The following ABLIM2 variants were observed in gnomAD, a reference collection of about 807,000 sequenced individuals.
ABLIM2 encodes the protein actin-binding LIM protein 2.
ABLIM2 carries 53 observed loss-of-function variants against 97.7 expected under a neutral mutation model. That is an observed-to-expected ratio of 0.54 (90% CI 0.44 to 0.68). The LOEUF (loss-of-function observed/expected upper bound fraction) is 0.68. ABLIM2 is among the 30% of genes least tolerant of loss of function. The pLI is 0.00. For missense variants in ABLIM2, 835 were observed against 867.2 expected, an observed-to-expected ratio of 0.96 and a Z score of 0.47; for synonymous variants, 361 against 345.8, an observed-to-expected ratio of 1.04 and a Z score of -0.49.
intron 1 of ABLIM2, among the ~76,000 whole-genome samples, chr4:8,108,408 C>A (rs1020130153): frequency 1.3e-5 from 2 of 152,248 alleles, no homozygotes; most frequent in South Asian, 4.1e-4. Flanking sequence ...CAGAGAAAGG[C>A]AGAGCTCAGA....
chr4:8,148,911 C>G lies in ABLIM2; in HGVS notation c.10+9769G>C, dbSNP rs2152955606. The stretch of plus-strand genomic sequence containing the variant: ...TGGGCTCCGCAGGCACCCGGGAGAT[C>G]AGGCCACGCCAGGACCCGGGATCTG... On this transcript the variant is annotated intron_variant, in intron 1 of 20. Coordinates refer to ENST00000447017, the MANE Select transcript of ABLIM2 (RefSeq NM_001130083.2). The surrounding 1 kb of genome is among the most constrained non-coding windows in gnomAD (Gnocchi z 6.7). 6.6e-6 allele frequency among the ~76,000 whole-genome samples: 1 copy of G among 152,320 alleles called. No homozygotes were observed. The highest frequency in any genetic ancestry group is 3.4e-3 in the Middle Eastern group (1 of 294).
In ABLIM2 at chr4:8,101,857, C is replaced by T. The variant is rs1052904569; in HGVS notation, c.155-4575G>A. ...GTTTTTCCAGGCATTCTGTGCTATGCGTTTGACGTATTTATGTTCTGCATG... is the reference window on the plus strand; with the variant it reads ...GTTTTTCCAGGCATTCTGTGCTATGTGTTTGACGTATTTATGTTCTGCATG... On this transcript the variant is annotated intron_variant, in intron 2 of 20. Transcript: ENST00000447017. Among the ~76,000 whole-genome samples, 8 of 152,324 alleles carry T rather than the reference C, an allele frequency of 5.3e-5. No homozygotes were observed. The East Asian group carries it at 5.8e-4, about 11-fold the overall frequency.
At position 7,992,777 on chromosome 4, in the gene ABLIM2, C is replaced by G. The variant is rs2149953749; in HGVS notation, c.1680+89G>C. On this transcript the variant is annotated intron_variant, in intron 17 of 20. Transcript: ENST00000447017. This position sits in a 1 kb window ranked among gnomAD's most constrained non-coding sequence, Gnocchi z 5.7. ...CCGCGGGGTCCCCGGGGCCTCTCCT[C>G]CTGCTGTGTGGTCAAGAAGCTGTGG... 6.8e-7 allele frequency: 1 copy of G among 1,464,308 alleles called. No individual in the cohort carries two copies. Among genetic ancestry groups the G allele is most frequent in the East Asian group, 2.4e-5 (1 of 41,286 alleles). 90.7% of individuals were successfully genotyped at this position (1,464,308 alleles called of 1,614,324 possible). A position where few individuals can be genotyped will look rare whatever the true frequency, so the allele number is the denominator to read the frequency against.
intron 1 of ABLIM2, among the ~76,000 whole-genome samples, chr4:8,117,909 C>T (rs78230830): frequency 1.8e-3 from 280 of 152,360 alleles, no homozygotes; most frequent in Non-Finnish European, 3.2e-3. Context: ...CAGTGATCAA[C>T]TGTAAAGCTC....
chr4:8,034,367 AG>A (rs1043665668), intron 10 of ABLIM2, among the ~76,000 whole-genome samples: 3 of 146,410 alleles, frequency 2.0e-5, no homozygotes, highest in African/African-American at 7.6e-5. Flanking sequence ...AGATGGGTGC[AG>A]GGGGGTGTGT....
chr4:8,085,639 C>T lies in ABLIM2; in HGVS notation c.454+2530G>A, dbSNP rs546189939. Among the ~76,000 whole-genome samples, 4 of 143,742 alleles carry T rather than the reference C, an allele frequency of 2.8e-5. No homozygotes were observed. Among genetic ancestry groups the T allele is most frequent in the African/African-American group, 1.0e-4 (4 of 38,184 alleles). The allele number at this position is 143,742 out of a possible 152,430, so 94.3% of individuals were successfully genotyped here. A position where few individuals can be genotyped will look rare whatever the true frequency, so the allele number is the denominator to read the frequency against. ...CACGCTGCAGCCCTGTCCACTCACGCAGGTCTGGGGGTGCCCACGCTGCAG... is the reference window on the plus strand; with the variant it reads ...CACGCTGCAGCCCTGTCCACTCACGTAGGTCTGGGGGTGCCCACGCTGCAG... On this transcript the variant is annotated intron_variant, in intron 4 of 20. Transcript: ENST00000447017. The surrounding 1 kb of genome is among the most constrained non-coding windows in gnomAD (Gnocchi z 6.1).
intron 1 of ABLIM2, among the ~76,000 whole-genome samples, chr4:8,133,139 G>A (rs1191032934): frequency 2.0e-5 from 3 of 152,138 alleles, no homozygotes; most frequent in Non-Finnish European, 2.9e-5. Context: ...CTCTGCCTCC[G>A]ATGTCACGTG....
At chr4:8,016,108 G>A (rs1465497916) in intron 14 of ABLIM2, among the ~76,000 whole-genome samples, 3 of 142,532 alleles carry the variant, frequency 2.1e-5, no homozygotes, top group African/African-American at 7.9e-5. Flanking sequence ...GCAGTGGTGC[G>A]ATCTCGGCTC....
rs76794926 is a variant in ABLIM2 at position 8,128,859 on chromosome 4, G to A, written c.11-22222C>T. 6.8e-3 allele frequency among the ~76,000 whole-genome samples: 1,036 copies of A among 152,238 alleles called. 11 individuals carry two copies. Among genetic ancestry groups the A allele is most frequent in the East Asian group, 0.02 (105 of 5,164 alleles). On this transcript the variant is annotated intron_variant, in intron 1 of 20. Coordinates refer to ENST00000447017, the MANE Select transcript of ABLIM2 (RefSeq NM_001130083.2). The surrounding 1 kb of genome is among the most constrained non-coding windows in gnomAD (Gnocchi z 4.9). Reference sequence around the variant, plus strand: ...CCACATGAGGGTGCGAGGAAAAGGCGGCTGTCTGCAGCTCAGAAGAGGGCC... The same window carrying A: ...CCACATGAGGGTGCGAGGAAAAGGCAGCTGTCTGCAGCTCAGAAGAGGGCC...
At chr4:8,059,119 G>A (rs1801257271) in intron 7 of ABLIM2, among the ~76,000 whole-genome samples, 1 of 152,050 alleles carries the variant, frequency 6.6e-6, no homozygotes, top group African/African-American at 2.4e-5. Flanking sequence ...TTAGCAGGGA[G>A]TGCTCAGGGA....
rs200804284 is a variant in ABLIM2 at position 7,989,129 on chromosome 4, A to T, written c.1680+3737T>A. The stretch of plus-strand genomic sequence containing the variant: ...GTTTTGCTCTGTTGCCCCAGGCTGG[A>T]GTGCAGTGGAACAACTTCAGCAGCT... On this transcript the variant is annotated intron_variant, in intron 17 of 20. Transcript: ENST00000447017. 9.0e-5 allele frequency among the ~76,000 whole-genome samples: 11 copies of T among 121,574 alleles called. No individual in the cohort carries two copies. In the East Asian group the frequency reaches 2.8e-3, roughly 31 times the overall value. 79.8% of individuals were successfully genotyped at this position (121,574 alleles called of 152,430 possible).
chr4:8,090,300 C>T (rs1256543604), intron 3 of ABLIM2, among the ~76,000 whole-genome samples: 1 of 152,212 alleles, frequency 6.6e-6, no homozygotes, highest in East Asian at 1.9e-4. Flanking sequence ...GAATCTCTGG[C>T]TGTTTAACCT....
intron 8 of ABLIM2, among the ~76,000 whole-genome samples, chr4:8,050,745 C>G (rs1177908026): frequency 6.6e-6 from 1 of 151,762 alleles, no homozygotes; most frequent in African/African-American, 2.4e-5. Context: ...GCCCTCCGGA[C>G]AGTTAGCTCC....
At chr4:8,007,267 C>T (rs561281624) in intron 16 of ABLIM2, 1,181 of 985,380 alleles carry the variant, frequency 1.2e-3, no homozygotes, top group Non-Finnish European at 1.4e-3. Flanking sequence ...GCCCATCACA[C>T]GACGGGTCAG....
chr4:8,093,445 T>G (rs1436398164), intron 3 of ABLIM2, among the ~76,000 whole-genome samples: 1 of 152,226 alleles, frequency 6.6e-6, no homozygotes, highest in Non-Finnish European at 1.5e-5. Flanking sequence ...TTATCGTGCC[T>G]TCGTTTCTCA....
At chr4:8,018,700 G>A (rs1771284455) in intron 14 of ABLIM2, among the ~76,000 whole-genome samples, 1 of 152,218 alleles carries the variant, frequency 6.6e-6, no homozygotes, top group South Asian at 2.1e-4. Context: ...CCATCTAAAA[G>A]TGTCCATCCA....
rs530520473 is a variant in ABLIM2 at position 8,043,891 on chromosome 4, G to C, written c.900+1273C>G. Among the ~76,000 whole-genome samples the C allele has an allele frequency of 6.6e-6, 1 of 151,836 alleles. No individual in the cohort carries two copies. Among genetic ancestry groups the C allele is most frequent in the South Asian group, 2.1e-4 (1 of 4,806 alleles). Reference sequence around the variant, plus strand: ...TCCGTGGATTACTGAGGGGCTCCCAGAGGCTCCAGGCGGGCGGCACCTCGC... The same window carrying C: ...TCCGTGGATTACTGAGGGGCTCCCACAGGCTCCAGGCGGGCGGCACCTCGC... On this transcript the variant is annotated intron_variant, in intron 9 of 20. Coordinates refer to ENST00000447017, the MANE Select transcript of ABLIM2 (RefSeq NM_001130083.2). This position sits in a 1 kb window ranked among gnomAD's most constrained non-coding sequence, Gnocchi z 4.8.
intron 1 of ABLIM2, among the ~76,000 whole-genome samples, chr4:8,133,177 C>T (rs1427926807): frequency 6.6e-6 from 1 of 152,216 alleles, no homozygotes; most frequent in African/African-American, 2.4e-5. Flanking sequence ...GTTCACATCA[C>T]CTTCCCTCTT....
intron 3 of ABLIM2, among the ~76,000 whole-genome samples, chr4:8,091,852 T>C (rs1433431593): frequency 9.0e-6 from 1 of 111,262 alleles, no homozygotes; most frequent in African/African-American, 3.5e-5. Flanking sequence ...ATATTATTTA[T>C]ACAATATATT....
Sources: allele counts gnomAD v4.1 joint callset (sites outside exome capture counted in the v4.1 genomes callset), GRCh38; gene constraint gnomAD v4.1.1; non-coding constraint Gnocchi (gnomAD v3.1); transcripts MANE v1.5; gene names NCBI Gene and HGNC (gene_info 2026-07-23, HGNC 2026-07-21).